Variants in EXOC6B observed in about 807,000 individuals in gnomAD.
The protein encoded by EXOC6B is SEC15 homolog B.
A neutral mutation model predicts 113.5 loss-of-function variants in EXOC6B; 54 were observed. That is an observed-to-expected ratio of 0.48 (90% CI 0.38 to 0.60). The LOEUF (loss-of-function observed/expected upper bound fraction) is 0.60. Ranked by LOEUF, EXOC6B falls within the 20% of genes least tolerant of loss-of-function variation. EXOC6B has a pLI of 0.00. For missense variants in EXOC6B, 797 were observed against 977.5 expected (o/e 0.82, Z 2.46); for synonymous variants, 357 against 339.0 (o/e 1.05, Z -0.58).
At chr2:72,784,638 G>A (rs375677896) in intron 1 of EXOC6B, among the ~76,000 whole-genome samples, 12 of 152,128 alleles carry the variant, frequency 7.9e-5, no homozygotes, top group Non-Finnish European at 1.3e-4. Flanking sequence ...ATCACATCTC[G>A]TGAGACTTAT....
rs1677865392 is a variant in EXOC6B, at chr2:72,178,334, A to G, written c.*1001T>C. ...AACCAAAAAGCTGGTTTTAAAACAT[A>G]AAGGAACAATCCCAACTAATCCTCA... is the stretch of plus-strand genomic sequence containing the variant. On this transcript the variant is annotated 3_prime_UTR_variant, in exon 22 of 22. Coordinates refer to ENST00000272427, the MANE Select transcript of EXOC6B (RefSeq NM_015189.3). The G allele has an allele frequency of 6.6e-6, 1 of 152,262 alleles. No homozygotes were observed. Among genetic ancestry groups the G allele is most frequent in the Non-Finnish European group, 1.5e-5 (1 of 68,056 alleles). 9.4% of individuals were successfully genotyped at this position (152,262 alleles called of 1,614,324 possible).
intron 6 of EXOC6B, among the ~76,000 whole-genome samples, chr2:72,642,842 A>G (rs1673367788): frequency 6.6e-6 from 1 of 151,546 alleles, no homozygotes; most frequent in African/African-American, 2.4e-5. Flanking sequence ...ACAAAATGGG[A>G]GAAAATTTTC....
chr2:72,385,422 T>C (rs1372905873), intron 18 of EXOC6B, among the ~76,000 whole-genome samples: 1 of 148,404 alleles, frequency 6.7e-6, no homozygotes, highest in Non-Finnish European at 1.5e-5. Context: ...AAAAAACAGA[T>C]GAAAAAGCTC....
chr2:72,213,356 C>A (rs1257742816), intron 20 of EXOC6B, among the ~76,000 whole-genome samples: 1 of 152,184 alleles, frequency 6.6e-6, no homozygotes, highest in Admixed American at 6.5e-5. Flanking sequence ...CTTAAAGTCA[C>A]TAAGTTTGGG....
chr2:72,424,698 T>C (rs1260858421), intron 18 of EXOC6B, among the ~76,000 whole-genome samples: 1 of 152,204 alleles, frequency 6.6e-6, no homozygotes, highest in Non-Finnish European at 1.5e-5. Flanking sequence ...TGTAGCTCTA[T>C]TTGACTTCTT....
chr2:72,613,111 T>C (rs1007351315), intron 6 of EXOC6B, among the ~76,000 whole-genome samples: 3 of 152,144 alleles, frequency 2.0e-5, no homozygotes, highest in Non-Finnish European at 2.9e-5. Context: ...GAGTTAAATA[T>C]TTCGATGTAT....
chr2:72,577,812 A>T (rs1350277771), intron 6 of EXOC6B, among the ~76,000 whole-genome samples: 2 of 152,076 alleles, frequency 1.3e-5, no homozygotes, highest in African/African-American at 2.4e-5. Context: ...GACCATCATT[A>T]TAATAATGTG....
intron 6 of EXOC6B, among the ~76,000 whole-genome samples, chr2:72,643,882 G>T (rs180827029): frequency 6.6e-6 from 1 of 151,590 alleles, no homozygotes; most frequent in East Asian, 1.9e-4. Flanking sequence ...AAAACAGAGC[G>T]CCTCTTCTCC....
intron 21 of EXOC6B, chr2:72,183,004 T>C (rs1422484213): frequency 1.3e-6 from 1 of 755,638 alleles, no homozygotes; most frequent in East Asian, 3.4e-5. Context: ...CAGTCTGAGT[T>C]TTTAGTCTCT....
intron 19 of EXOC6B, among the ~76,000 whole-genome samples, chr2:72,366,225 T>G (rs1055165320): frequency 4.6e-5 from 7 of 151,592 alleles, no homozygotes; most frequent in Non-Finnish European, 1.0e-4. Context: ...ACAGGAATAT[T>G]ATGAAGAAAG....
chr2:72,485,990 T>A (rs989399744), intron 16 of EXOC6B, among the ~76,000 whole-genome samples: 1 of 152,206 alleles, frequency 6.6e-6, no homozygotes, highest in Non-Finnish European at 1.5e-5. Context: ...TTATAAAGTA[T>A]CAGATGAAAA....
chr2:72,385,231 G>T (rs1286084498), intron 18 of EXOC6B, among the ~76,000 whole-genome samples: 1 of 152,044 alleles, frequency 6.6e-6, no homozygotes, highest in African/African-American at 2.4e-5. Flanking sequence ...ACAAATTTTT[G>T]ATAAAGATAC....
intron 6 of EXOC6B, among the ~76,000 whole-genome samples, chr2:72,599,536 A>G (rs1596930): frequency 0.61 from 93,263 of 151,956 alleles, 34,889 homozygotes; most frequent in East Asian, 0.99. Flanking sequence ...ATCATATTGG[A>G]TGTCCTAGCT....
intron 1 of EXOC6B, among the ~76,000 whole-genome samples, chr2:72,768,314 A>C (rs1342439117): frequency 7.3e-6 from 1 of 137,490 alleles, no homozygotes; most frequent in Admixed American, 7.6e-5. Context: ...TTTTCGAGAC[A>C]GAGTTTGGCT....
At chr2:72,750,603 A>G (rs1244546692) in intron 1 of EXOC6B, among the ~76,000 whole-genome samples, 1 of 152,152 alleles carries the variant, frequency 6.6e-6, no homozygotes, top group East Asian at 1.9e-4. Flanking sequence ...GACTGCAAGT[A>G]AACTTGCCTA....
chr2:72,412,276 A>T (rs928064291), intron 18 of EXOC6B, among the ~76,000 whole-genome samples: 1 of 152,242 alleles, frequency 6.6e-6, no homozygotes, highest in African/African-American at 2.4e-5. Flanking sequence ...CTGAAGGAAA[A>T]TTAGGTTTAA....
In EXOC6B at chr2:72,825,074, A is replaced by G. The variant is rs1686820782; in HGVS notation, c.113+724T>C. ...TCTTGGACTTTATGTAACAAGTGCT[A>G]CCTAAATTTGTTAAATAAGTTGAGG... On this transcript the variant is annotated intron_variant, in intron 1 of 21. Coordinates refer to ENST00000272427, the MANE Select transcript of EXOC6B (RefSeq NM_015189.3). This position sits in a 1 kb window ranked among gnomAD's most constrained non-coding sequence, Gnocchi z 4.4. 1.3e-5 allele frequency among the ~76,000 whole-genome samples: 2 copies of G among 152,190 alleles called. No homozygotes were observed. The highest frequency in any genetic ancestry group is 1.3e-4 in the Admixed American group (2 of 15,282).
chr2:72,423,476 T>G (rs2105271403), intron 18 of EXOC6B, among the ~76,000 whole-genome samples: 1 of 152,312 alleles, frequency 6.6e-6, no homozygotes, highest in Admixed American at 6.5e-5. Context: ...AATTAAGAAT[T>G]TATTAAATAA....
chr2:72,517,633 A>G (rs1465647311), intron 8 of EXOC6B, among the ~76,000 whole-genome samples: 1 of 152,156 alleles, frequency 6.6e-6, no homozygotes, highest in Non-Finnish European at 1.5e-5. Flanking sequence ...TCTTAATTAC[A>G]TTCTGTATAC....
Sources: gnomAD v4.1 joint callset for allele counts (sites outside exome capture counted in the v4.1 genomes callset) on GRCh38, gnomAD v4.1.1 for gene constraint, Gnocchi (gnomAD v3.1) non-coding constraint, MANE v1.5 for transcripts, NCBI Gene and HGNC (gene_info 2026-07-23, HGNC 2026-07-21) for gene names.